Variants in ROR1 observed in about 807,000 individuals in gnomAD.
ROR1 encodes ROR family WNT receptor 1.
A neutral mutation model predicts 78.8 loss-of-function variants in ROR1; 19 were observed. The observed-to-expected ratio is 0.24, with a 90% confidence interval of 0.17 to 0.35. The LOEUF is 0.35. Among genes scored for constraint, ROR1 ranks in the 10% least tolerant of loss-of-function variants. ROR1 has a pLI of 1.00. For synonymous variants in ROR1, 386 were observed against 433.6 expected (o/e 0.89, Z 1.36); for missense variants, 917 against 1,177.8 (o/e 0.78, Z 3.24).
chr1:63,912,126 A>C (rs1458014672), intron 1 of ROR1, among the ~76,000 whole-genome samples: 40 of 5,894 alleles, frequency 6.8e-3, no homozygotes, highest in Non-Finnish European at 0.024. Flanking sequence ...CATCTTTACA[A>C]AAAAAAAAAA....
intron 1 of ROR1, among the ~76,000 whole-genome samples, chr1:63,998,530 T>G (rs1646357708): frequency 6.6e-6 from 1 of 152,134 alleles, no homozygotes; most frequent in Non-Finnish European, 1.5e-5. Flanking sequence ...TTGCCATTGG[T>G]CTCTAAACAC....
intron 1 of ROR1, among the ~76,000 whole-genome samples, chr1:63,910,851 G>A (rs1645564592): frequency 1.3e-5 from 2 of 152,208 alleles, no homozygotes; most frequent in African/African-American, 2.4e-5. Flanking sequence ...AGCCTTTGTA[G>A]TGCAGTGGGT....
intron 1 of ROR1, among the ~76,000 whole-genome samples, chr1:63,859,056 T>C (rs755811291): frequency 6.6e-6 from 1 of 152,170 alleles, no homozygotes; most frequent in Non-Finnish European, 1.5e-5. Context: ...CCTTCTGTTG[T>C]GTGTGTGCTG....
intron 1 of ROR1, among the ~76,000 whole-genome samples, chr1:63,990,405 A>G (rs1646285578): frequency 6.6e-6 from 1 of 152,188 alleles, no homozygotes; most frequent in Non-Finnish European, 1.5e-5. Flanking sequence ...CGAAATTATC[A>G]GTTTCTAAAT....
chr1:64,132,714 C>A (rs1390703367), intron 4 of ROR1, among the ~76,000 whole-genome samples: 1 of 136,914 alleles, frequency 7.3e-6, no homozygotes, highest in African/African-American at 2.7e-5. Context: ...GAGCTGAGAT[C>A]GCGCCACTGC....
chr1:64,062,795 G>A (rs1430673486), intron 4 of ROR1, among the ~76,000 whole-genome samples: 2 of 152,166 alleles, frequency 1.3e-5, no homozygotes, highest in Admixed American at 6.5e-5. Context: ...AACAAACATA[G>A]CTAATGAAAT....
At chr1:64,078,221 C>T (rs1405323730) in intron 4 of ROR1, among the ~76,000 whole-genome samples, 1 of 152,124 alleles carries the variant, frequency 6.6e-6, no homozygotes, top group Non-Finnish European at 1.5e-5. Context: ...CTTCCTATCT[C>T]TCTGGGAAAG....
intron 1 of ROR1, among the ~76,000 whole-genome samples, chr1:63,841,322 G>A (rs1015625909): frequency 1.3e-5 from 2 of 152,324 alleles, no homozygotes; most frequent in Admixed American, 1.3e-4. Context: ...CTTTAAGGAA[G>A]GGACTTTTGT....
intron 1 of ROR1, among the ~76,000 whole-genome samples, chr1:63,986,050 A>G (rs1165820920): frequency 2.0e-5 from 3 of 152,152 alleles, no homozygotes; most frequent in Non-Finnish European, 1.5e-5. Context: ...CTAGATAGAC[A>G]TAGTCCTTGC....
At chr1:64,052,699 A>T (rs1422882851) in intron 4 of ROR1, among the ~76,000 whole-genome samples, 2 of 152,202 alleles carry the variant, frequency 1.3e-5, no homozygotes, top group African/African-American at 4.8e-5. Context: ...TATCTATTAC[A>T]TTAGTCGGTA....
At chr1:63,957,168 A>G (rs1645989979) in intron 1 of ROR1, among the ~76,000 whole-genome samples, 1 of 152,200 alleles carries the variant, frequency 6.6e-6, no homozygotes, top group Non-Finnish European at 1.5e-5. Flanking sequence ...TCCTATCACC[A>G]TCGGCTCCTT....
At chr1:63,979,257 T>C (rs184070066) in intron 1 of ROR1, among the ~76,000 whole-genome samples, 161 of 152,268 alleles carry the variant, frequency 1.1e-3, no homozygotes, top group African/African-American at 3.8e-3. Flanking sequence ...GGCTGCTGAC[T>C]CGGGGGTACT....
chr1:63,982,102 C>T (rs1318856856), intron 1 of ROR1, among the ~76,000 whole-genome samples: 1 of 152,164 alleles, frequency 6.6e-6, no homozygotes, highest in African/African-American at 2.4e-5. Context: ...TGATCCTCTG[C>T]AGAACCTTAC....
rs142192390 is a variant in ROR1 at position 64,180,999 on chromosome 1, G to T, written c.*2144G>T. 1 of 151,812 alleles carries T rather than the reference G, an allele frequency of 6.6e-6. No homozygotes were observed. Among genetic ancestry groups the T allele is most frequent in the Non-Finnish European group, 1.5e-5 (1 of 67,914 alleles). The allele number at this position is 151,812 out of a possible 1,614,324, so 9.4% of individuals were successfully genotyped here. On this transcript the variant is annotated 3_prime_UTR_variant, in exon 9 of 9. Transcript: ENST00000371079. The stretch of plus-strand genomic sequence containing the variant: ...ACTTGTAATAATGTATTTTATAATC[G>T]CACTGTGATACTATATAACACAGTC...
chr1:64,083,040 G>T (rs1458899063), intron 4 of ROR1, among the ~76,000 whole-genome samples: 1 of 152,214 alleles, frequency 6.6e-6, no homozygotes, highest in African/African-American at 2.4e-5. Flanking sequence ...AGGATTGAGG[G>T]ATAACTGAAT....
At chr1:63,823,402 G>A (rs536195000) in intron 1 of ROR1, among the ~76,000 whole-genome samples, 58 of 148,622 alleles carry the variant, frequency 3.9e-4, no homozygotes, top group South Asian at 8.5e-4. Context: ...TTAAGATAGC[G>A]CTTTGAAAGT....
intron 1 of ROR1, among the ~76,000 whole-genome samples, chr1:63,923,127 C>T (rs114655657): frequency 4.6e-5 from 7 of 152,266 alleles, no homozygotes; most frequent in East Asian, 3.9e-4. Flanking sequence ...AAACAGATTG[C>T]GTGTGACACC....
chr1:64,152,098 C>T (rs559512943), intron 7 of ROR1, among the ~76,000 whole-genome samples: 3 of 152,058 alleles, frequency 2.0e-5, no homozygotes, highest in Non-Finnish European at 2.9e-5. Context: ...AACCAAAACT[C>T]GTATGCAAAA....
intron 1 of ROR1, among the ~76,000 whole-genome samples, chr1:63,977,900 T>G (rs1013960725): frequency 2.6e-5 from 4 of 152,196 alleles, no homozygotes; most frequent in African/African-American, 9.7e-5. Context: ...TATCTTCTAT[T>G]CCATATCTTA....
Sources: gnomAD v4.1 joint callset for allele counts (sites outside exome capture counted in the v4.1 genomes callset) on GRCh38, gnomAD v4.1.1 for gene constraint, MANE v1.5 for transcripts, NCBI Gene and HGNC (gene_info 2026-07-23, HGNC 2026-07-21) for gene names.